The following SNX24 variants were observed in gnomAD, a reference collection of about 807,000 sequenced individuals.
SNX24 encodes the protein sorting nexin-24.
SNX24 carries 22 observed loss-of-function variants against 28.7 expected under a neutral mutation model. The ratio of observed to expected loss-of-function variants is 0.77; its 90% confidence interval spans 0.55 to 1.10. The LOEUF (loss-of-function observed/expected upper bound fraction) is 1.10. SNX24 is among the 50% of genes least tolerant of loss of function. The pLI, the probability that SNX24 is intolerant of heterozygous loss-of-function variation, is 0.00. For missense variants in SNX24, 221 were observed against 201.1 expected (o/e 1.10, Z -0.60); for synonymous variants, 69 against 71.5 (o/e 0.96, Z 0.18).
At chr5:122,851,290 A>G (rs1185842836) in intron 1 of SNX24, among the ~76,000 whole-genome samples, 1 of 152,030 alleles carries the variant, frequency 6.6e-6, no homozygotes, top group East Asian at 1.9e-4. Flanking sequence ...TCAGCCTCCC[A>G]AGTAGCTGGG....
At chr5:122,963,363 C>G (rs1224263158) in intron 3 of SNX24, among the ~76,000 whole-genome samples, 1 of 152,156 alleles carries the variant, frequency 6.6e-6, no homozygotes, top group Admixed American at 6.6e-5. Flanking sequence ...GTGCTAATTT[C>G]CAGAAAGCCA....
At chr5:122,899,195 G>A (rs41332252) in intron 1 of SNX24, among the ~76,000 whole-genome samples, 4,324 of 152,216 alleles carry the variant, frequency 0.028, 181 homozygotes, top group African/African-American at 0.085. Context: ...CTGGCTGCGA[G>A]TCGTGGTGAC....
intron 1 of SNX24, chr5:122,891,050 C>G (rs756353952): frequency 6.6e-7 from 1 of 1,526,702 alleles, no homozygotes; most frequent in South Asian, 1.3e-5. Context: ...GGCATAGAGC[C>G]TTCCAGACAA....
chr5:122,854,768 T>G (rs1561508245), intron 1 of SNX24, among the ~76,000 whole-genome samples: 1 of 152,156 alleles, frequency 6.6e-6, no homozygotes, highest in Non-Finnish European at 1.5e-5. Flanking sequence ...ACCTCAGAGA[T>G]ATTGTGAGTT....
In SNX24 at chr5:122,934,294, A is replaced by C. The variant is rs560789434; in HGVS notation, c.61-2440A>C. 7.6e-4 allele frequency among the ~76,000 whole-genome samples: 115 copies of C among 152,280 alleles called. No individual in the cohort carries two copies. The South Asian group carries it at 0.011, about 15-fold the overall frequency. On this transcript the variant is annotated intron_variant, in intron 1 of 6. Transcript: ENST00000261369. ...TATTTCCAGGCAGCAGGGACAACAT[A>C]TGTAGGAAAATTGGAAAGACTTTAC...
intron 1 of SNX24, among the ~76,000 whole-genome samples, chr5:122,931,067 TA>T (rs1173806425): frequency 5.3e-5 from 8 of 152,210 alleles, no homozygotes; most frequent in Non-Finnish European, 1.2e-4. Flanking sequence ...TTTTTTGAAG[TA>T]GTGGTTGGTT....
chr5:122,959,342 T>C (rs11241667), intron 3 of SNX24, among the ~76,000 whole-genome samples: 11,225 of 150,516 alleles, frequency 0.075, 627 homozygotes, highest in Admixed American at 0.13. Flanking sequence ...TTTCCTTCCT[T>C]TTGCTAGCTT....
intron 2 of SNX24, 78 bp from the exon 3 acceptor site, chr5:122,945,977 T>C (rs2150125185): frequency 1.4e-6 from 1 of 711,626 alleles, no homozygotes; most frequent in Non-Finnish European, 2.3e-6. Flanking sequence ...TGGCCTTTTT[T>C]CCCCAAATAA....
intron 5 of SNX24, chr5:123,024,080 C>T (rs1762813937): frequency 1.3e-5 from 19 of 1,505,980 alleles, no homozygotes; most frequent in Non-Finnish European, 1.7e-5. Flanking sequence ...CCAAAGCCAA[C>T]TCCAAAAGCC....
chr5:122,960,414 T>G (rs17149769), intron 3 of SNX24, among the ~76,000 whole-genome samples: 3,725 of 152,278 alleles, frequency 0.024, 142 homozygotes, highest in African/African-American at 0.071. Context: ...GAACCACATT[T>G]TCATCCATAC....
intron 3 of SNX24, among the ~76,000 whole-genome samples, chr5:122,982,066 AT>A (rs1337391903): frequency 6.6e-6 from 1 of 152,214 alleles, no homozygotes; most frequent in East Asian, 1.9e-4. Context: ...TGGCACACAC[AT>A]TTGTTTTCCA....
intron 1 of SNX24, among the ~76,000 whole-genome samples, chr5:122,916,215 G>A (rs889040939): frequency 3.9e-5 from 6 of 152,192 alleles, no homozygotes; most frequent in African/African-American, 1.2e-4. Context: ...TCTGGTTTTT[G>A]TTTCATTATT....
chr5:122,854,513 A>G (rs1755084117), intron 1 of SNX24, among the ~76,000 whole-genome samples: 1 of 84,532 alleles, frequency 1.2e-5, no homozygotes, highest in African/African-American at 8.9e-5. Context: ...GTCTCAAAAA[A>G]ACAAAAAAAA....
chr5:122,863,032 TG>T (rs1434340418), intron 1 of SNX24, among the ~76,000 whole-genome samples: 1 of 152,218 alleles, frequency 6.6e-6, no homozygotes, highest in African/African-American at 2.4e-5. Flanking sequence ...AATCTCCCTC[TG>T]GGGATACAGT....
At chr5:122,971,929 C>T (rs948855050) in intron 3 of SNX24, among the ~76,000 whole-genome samples, 1 of 152,154 alleles carries the variant, frequency 6.6e-6, no homozygotes, top group East Asian at 1.9e-4. Flanking sequence ...AGGGTCTGGG[C>T]CATTTGTAGT....
At chr5:122,913,189 C>T (rs1018644895) in intron 1 of SNX24, among the ~76,000 whole-genome samples, 6 of 152,240 alleles carry the variant, frequency 3.9e-5, no homozygotes, top group Non-Finnish European at 5.9e-5. Flanking sequence ...TCCACAAAAC[C>T]GCCATTGTCA....
At chr5:122,853,161 C>G (rs1308769257) in intron 1 of SNX24, among the ~76,000 whole-genome samples, 1 of 103,932 alleles carries the variant, frequency 9.6e-6, no homozygotes, top group Non-Finnish European at 1.7e-5. Context: ...ATTCTTCGCT[C>G]TGTTGCCCAG....
intron 2 of SNX24, among the ~76,000 whole-genome samples, chr5:122,945,851 A>G (rs1045474729): frequency 5.3e-5 from 8 of 152,196 alleles, no homozygotes; most frequent in African/African-American, 1.9e-4. Context: ...GAAAACCATT[A>G]TTCTGAAAAC....
chr5:122,937,500 T>C (rs1305023861), intron 2 of SNX24, among the ~76,000 whole-genome samples: 1 of 152,232 alleles, frequency 6.6e-6, no homozygotes, highest in Non-Finnish European at 1.5e-5. Flanking sequence ...TTTAATTTTT[T>C]CTAGATTATA....
Sources: gnomAD v4.1 joint callset for allele counts (sites outside exome capture counted in the v4.1 genomes callset) on GRCh38, gnomAD v4.1.1 for gene constraint, MANE v1.5 for transcripts, NCBI Gene and HGNC (gene_info 2026-07-23, HGNC 2026-07-21) for gene names.